The following PRKX variants were observed in gnomAD, a reference collection of about 807,000 sequenced individuals.
PRKX encodes cAMP-dependent protein kinase catalytic subunit PRKX.
A neutral mutation model predicts 22.0 loss-of-function variants in PRKX; 12 were observed. That is an observed-to-expected ratio of 0.54 (90% CI 0.35 to 0.88). PRKX has a LOEUF of 0.88. Among genes scored for constraint, PRKX ranks in the 40% least tolerant of loss-of-function variants. PRKX has a pLI of 0.01. For synonymous variants in PRKX, 134 were observed against 137.7 expected (o/e 0.97, Z 0.19); for missense variants, 217 against 308.0 (o/e 0.70, Z 2.21).
Position 3,627,252 on chromosome X carries a change from C to T in PRKX, c.720-738G>A, listed in dbSNP as rs868710886. On this transcript the variant is annotated intron_variant, in intron 4 of 8. Transcript: ENST00000262848. ...CAAAAATTAGCCAGGCGTGGTGGCA[C>T]GCGTCCGTAATCCCAGCTACTTGGG... Among the ~76,000 whole-genome samples the T allele has an allele frequency of 7.3e-5, 8 of 108,947 alleles. No individual in the cohort carries two copies. The South Asian group carries it at 1.2e-3, about 17-fold the overall frequency. The allele number at this position is 108,947 out of a possible 115,157, so 94.6% of individuals were successfully genotyped here.
chrX:3,632,170 A>C (rs962599295), intron 4 of PRKX, among the ~76,000 whole-genome samples: 1 of 111,882 alleles, frequency 8.9e-6, no homozygotes, highest in African/African-American at 3.2e-5. Context: ...TCCTTCTTAA[A>C]TAACATTTCA....
chrX:3,692,125 GA>G (rs1314463440), intron 1 of PRKX, among the ~76,000 whole-genome samples: 4 of 106,439 alleles, frequency 3.8e-5, no homozygotes, highest in South Asian at 4.4e-4. Flanking sequence ...GGAGGGGAGA[GA>G]GGGGGAGAGA....
chrX:3,680,969 G>C (rs985156609), intron 1 of PRKX, among the ~76,000 whole-genome samples: 1 of 111,923 alleles, frequency 8.9e-6, no homozygotes, highest in South Asian at 3.8e-4. Context: ...AGCTACTGGG[G>C]AGGCTGAAGT....
intron 1 of PRKX, among the ~76,000 whole-genome samples, chrX:3,686,809 C>T (rs185608051): frequency 9.0e-6 from 1 of 111,508 alleles, no homozygotes; most frequent in Non-Finnish European, 1.9e-5. Flanking sequence ...CCGCCCACCT[C>T]GCCTCCCAAA....
intron 1 of PRKX, among the ~76,000 whole-genome samples, chrX:3,694,257 G>C (rs12013200): frequency 2.8e-5 from 3 of 108,853 alleles, no homozygotes; most frequent in Non-Finnish European, 5.7e-5. Context: ...GCGTGGTGTC[G>C]GGTGCCTATA....
At chrX:3,646,850 C>T (rs968613088) in intron 3 of PRKX, among the ~76,000 whole-genome samples, 3 of 110,724 alleles carry the variant, frequency 2.7e-5, no homozygotes, top group African/African-American at 6.6e-5. Flanking sequence ...GGGGTTTCCT[C>T]GGTGACAATG....
In PRKX at chrX:3,648,605, CCTGTGTGT is replaced by C. The variant is rs1244440692; in HGVS notation, c.599+6536_599+6543del. Among the ~76,000 whole-genome samples the C allele has an allele frequency of 1.8e-3, 84 of 46,146 alleles. 2 individuals carry two copies. Among genetic ancestry groups the C allele is most frequent in the Middle Eastern group, 0.012 (1 of 85 alleles). 40.1% of individuals were successfully genotyped at this position (46,146 alleles called of 115,157 possible). A position where few individuals can be genotyped will look rare whatever the true frequency, so the allele number is the denominator to read the frequency against. Reference sequence around the variant, plus strand: ...TTCAATGTGAATTACTCTCTCTACTCCTGTGTGTGTGTGTGTGTGTGTGTGTGTGTGTG... The same window carrying C: ...TTCAATGTGAATTACTCTCTCTACTCGTGTGTGTGTGTGTGTGTGTGTGTG... On this transcript the variant is annotated intron_variant, in intron 3 of 8. Coordinates refer to ENST00000262848, the MANE Select transcript of PRKX (RefSeq NM_005044.5).
chrX:3,645,132 C>T (rs999404194), intron 3 of PRKX, among the ~76,000 whole-genome samples: 22 of 111,227 alleles, frequency 2.0e-4, no homozygotes, highest in African/African-American at 6.9e-4. Context: ...AGTGTTATGT[C>T]GAGACCACTG....
intron 3 of PRKX, among the ~76,000 whole-genome samples, chrX:3,647,858 CA>C (rs1365708050): frequency 9.1e-6 from 1 of 109,673 alleles, no homozygotes; most frequent in Admixed American, 1.0e-4. Flanking sequence ...ACTCCATCCT[CA>C]TTAAACAGCA....
At chrX:3,713,035 C>G (rs1207970368) in intron 1 of PRKX, 53 bp downstream of exon 1, 28 of 1,119,361 alleles carry the variant, frequency 2.5e-5, no homozygotes, top group Non-Finnish European at 3.2e-5. Flanking sequence ...ACTACAACGT[C>G]CCGGCCACGC....
intron 1 of PRKX, among the ~76,000 whole-genome samples, chrX:3,677,060 A>C (rs920061819): frequency 9.0e-6 from 1 of 111,335 alleles, no homozygotes; most frequent in East Asian, 2.8e-4. Context: ...TGCAGAATCT[A>C]CAATAGTCAA....
intron 3 of PRKX, among the ~76,000 whole-genome samples, chrX:3,648,794 T>C (rs1331226524): frequency 1.8e-5 from 2 of 110,240 alleles, no homozygotes; most frequent in African/African-American, 6.6e-5. Flanking sequence ...GAAAGAGCTG[T>C]TGCACCTGGC....
At chrX:3,643,004 CAAAAAAAAAAAA>C (rs60090711) in intron 3 of PRKX, among the ~76,000 whole-genome samples, 1 of 27,560 alleles carries the variant, frequency 3.6e-5, no homozygotes, top group Non-Finnish European at 5.5e-5. Flanking sequence ...GACTCTCTCT[CAAAAAAAAAAAA>C]AAAAAAAAAA....
intron 1 of PRKX, among the ~76,000 whole-genome samples, chrX:3,704,746 A>G (rs911913986): frequency 1.8e-5 from 2 of 111,594 alleles, no homozygotes; most frequent in African/African-American, 6.5e-5. Flanking sequence ...AGTTGCATCC[A>G]CATTGTTGCA....
intron 1 of PRKX, among the ~76,000 whole-genome samples, chrX:3,702,559 G>T (rs1265935077): frequency 1.9e-5 from 2 of 105,302 alleles, no homozygotes; most frequent in Non-Finnish European, 3.9e-5. Flanking sequence ...GTGGACTTGT[G>T]CAATTTAACA....
chrX:3,638,014 G>A (rs1352474767), intron 4 of PRKX, among the ~76,000 whole-genome samples: 6 of 110,433 alleles, frequency 5.4e-5, no homozygotes, highest in South Asian at 3.8e-4. Context: ...CAACCACCTC[G>A]GCCTCCCAAA....
chrX:3,649,791 G>A (rs1459627725), intron 3 of PRKX, among the ~76,000 whole-genome samples: 2 of 65,936 alleles, frequency 3.0e-5, no homozygotes, highest in Non-Finnish European at 5.8e-5. Flanking sequence ...GGAAGGGAGG[G>A]AGGGGAGGGA....
At chrX:3,707,347 A>G (rs932189767) in intron 1 of PRKX, among the ~76,000 whole-genome samples, 4 of 111,452 alleles carry the variant, frequency 3.6e-5, no homozygotes, top group Admixed American at 2.9e-4. Context: ...GCTAGCACTG[A>G]AGGTTTCCCA....
At chrX:3,640,098 G>A (rs12839071) in intron 4 of PRKX, among the ~76,000 whole-genome samples, 52,746 of 108,499 alleles carry the variant, frequency 0.49, 9,808 homozygotes, top group Admixed American at 0.64. Context: ...GAGATGTGAG[G>A]GAGGATCTGG....
Sources: allele counts gnomAD v4.1 joint callset (sites outside exome capture counted in the v4.1 genomes callset), GRCh38; gene constraint gnomAD v4.1.1; transcripts MANE v1.5; gene names NCBI Gene and HGNC (gene_info 2026-07-23, HGNC 2026-07-21).